The following KALRN variants were observed in gnomAD, a reference collection of about 807,000 sequenced individuals.
KALRN encodes kalirin.
Under a neutral mutation model 353.7 loss-of-function variants are expected in KALRN, and 70 were observed. The observed-to-expected ratio is 0.20, with a 90% CI of 0.16 to 0.24. The LOEUF (loss-of-function observed/expected upper bound fraction) is 0.24, where lower values mean the gene tolerates loss of function less well. Ranked by LOEUF, KALRN falls within the 10% of genes least tolerant of loss-of-function variation. The probability of loss-of-function intolerance (pLI) is 1.00; values close to 1 mark genes in which losing one functional copy is unlikely to be tolerated. For missense variants in KALRN, 2,791 were observed against 3,756.7 expected (o/e 0.74, Z 6.72); for synonymous variants, 1,391 against 1,434.8 (o/e 0.97, Z 0.69).
chr3:124,300,361 A>G (rs1326651962), intron 6 of KALRN, among the ~76,000 whole-genome samples: 1 of 152,198 alleles, frequency 6.6e-6, no homozygotes, highest in Non-Finnish European at 1.5e-5. Flanking sequence ...AGGTTTGTTT[A>G]TTGTTCCTAC....
Position 124,565,175 on chromosome 3 carries a change from G to C in KALRN, c.5182+2086G>C, listed in dbSNP as rs543379727. Among the ~76,000 whole-genome samples, 6 of 152,304 alleles carry C rather than the reference G, an allele frequency of 3.9e-5. No homozygotes were observed. The South Asian group carries it at 1.0e-3, about 26-fold the overall frequency. On this transcript the variant is annotated intron_variant, in intron 34 of 59. Transcript: ENST00000682506. ...GTTTGTGCTGCATCCAGCCTTCCAG[G>C]GTTTTTTCCACCAGGAGAAAAATGT...
intron 6 of KALRN, among the ~76,000 whole-genome samples, chr3:124,313,998 A>T (rs1357528875): frequency 6.6e-6 from 1 of 152,132 alleles, no homozygotes. Context: ...CAATGGTTGA[A>T]CTAGAATACC....
In KALRN at chr3:124,245,729, T is replaced by A. The variant is rs962254545; in HGVS notation, c.263+10786T>A. On this transcript the variant is annotated intron_variant, in intron 3 of 59. Coordinates refer to ENST00000682506, the MANE Select transcript of KALRN (RefSeq NM_001388419.1). The stretch of plus-strand genomic sequence containing the variant: ...CCATTCTAAATGAGGTGAGATGATA[T>A]CTTATATGGTTTTGAGTTGCATTTC... Among the ~76,000 whole-genome samples, 58 of 152,092 alleles carry A rather than the reference T, an allele frequency of 3.8e-4. 2 individuals are homozygous for A. Among genetic ancestry groups the A allele is most frequent in the Admixed American group, 3.1e-3 (48 of 15,258 alleles).
chr3:124,658,387 C>T (rs1164483262), intron 41 of KALRN, 44 bp from the exon 42 acceptor site: 15 of 1,455,772 alleles, frequency 1.0e-5, no homozygotes, highest in Non-Finnish European at 1.4e-5. Context: ...GAACAAAAGA[C>T]ACAAGATGCC....
chr3:124,280,889 C>T (rs1227887818), intron 5 of KALRN, among the ~76,000 whole-genome samples: 3 of 152,060 alleles, frequency 2.0e-5, no homozygotes, highest in Non-Finnish European at 4.4e-5. Context: ...CTGTTCAACC[C>T]CATTCCTGTA....
chr3:124,266,974 T>C (rs1267914538), intron 4 of KALRN, among the ~76,000 whole-genome samples: 1 of 152,238 alleles, frequency 6.6e-6, no homozygotes, highest in South Asian at 2.1e-4. Context: ...CTGGCCTGCA[T>C]GTCCCATCTC....
In KALRN at chr3:124,439,141, TTCTCTTTCTC is replaced by T. The variant is rs759323184; in HGVS notation, c.3198+116_3198+125del. The T allele has an allele frequency of 5.2e-6, 6 of 1,161,538 alleles. No individual in the cohort carries two copies. The Admixed American group carries it at 7.3e-5, about 14-fold the overall frequency. The allele number at this position is 1,161,538 out of a possible 1,614,324, so 72.0% of individuals were successfully genotyped here. On this transcript the variant is annotated intron_variant, in intron 18 of 59. Coordinates refer to ENST00000682506, the MANE Select transcript of KALRN (RefSeq NM_001388419.1). ...TTTCTTTCTTTCTCTTTCTCTCTCTTTCTCTTTCTCTCTCTTTCTCTTTCTCCTCCTCCTC... is the reference window on the plus strand; with the variant it reads ...TTTCTTTCTTTCTCTTTCTCTCTCTTTCTCTTTCTCTTTCTCCTCCTCCTC...
intron 9 of KALRN, among the ~76,000 whole-genome samples, chr3:124,342,234 G>A (rs1204464960): frequency 5.9e-5 from 9 of 151,896 alleles, no homozygotes; most frequent in Non-Finnish European, 4.4e-5. Flanking sequence ...ATTGCGTAGT[G>A]GTAAAGTCAG....
intron 5 of KALRN, among the ~76,000 whole-genome samples, chr3:124,271,697 C>A (rs1233753080): frequency 6.6e-6 from 1 of 152,168 alleles, no homozygotes; most frequent in Admixed American, 6.5e-5. Context: ...CTTCTGCTAC[C>A]ACTGAACACC....
intron 34 of KALRN, among the ~76,000 whole-genome samples, chr3:124,579,462 A>AT (rs1236561661): frequency 2.6e-5 from 4 of 152,236 alleles, no homozygotes; most frequent in Admixed American, 2.0e-4. Context: ...TATATTGCTT[A>AT]TAGCTCAGGA....
chr3:124,456,769 C>A, intron 23 of KALRN, 41 bp downstream of exon 23: 1 of 1,384,668 alleles, frequency 7.2e-7, no homozygotes, highest in Non-Finnish European at 1.0e-6. Context: ...CTCCCCGTGA[C>A]TATGCTGGGC....
rs941220413 is a variant in KALRN, at chr3:124,719,154, A to G, written c.8645A>G (p.Asp2882Gly). 2 of 1,614,234 alleles carry G rather than the reference A, an allele frequency of 1.2e-6. No individual in the cohort carries two copies. Among genetic ancestry groups the G allele is most frequent in the Non-Finnish European group, 1.7e-6 (2 of 1,180,052 alleles). ...CTGAGTGGGGTCTCCCCCTTCTTGG[A>G]TGAGAGCAAAGAGGAGACATGTATC... ...VMLSGVSPFL[D>G]ESKEETCINV... Residue 2882 changes from aspartate (D) to glycine (G), a missense_variant, in exon 60 of 60, where the codon GAT (aspartate) becomes GGT (glycine). Coordinates refer to ENST00000682506, the MANE Select transcript of KALRN (RefSeq NM_001388419.1). This position sits in a 1 kb window ranked among gnomAD's most constrained non-coding sequence, Gnocchi z 5.3.
intron 10 of KALRN, among the ~76,000 whole-genome samples, chr3:124,355,754 C>T (rs1242768907): frequency 1.6e-5 from 2 of 127,958 alleles, no homozygotes; most frequent in Non-Finnish European, 3.1e-5. Flanking sequence ...CTCGCTCTGT[C>T]ACCCAGGCTG....
chr3:124,208,877 G>T (rs970975542), intron 1 of KALRN, among the ~76,000 whole-genome samples: 2 of 151,858 alleles, frequency 1.3e-5, no homozygotes, highest in African/African-American at 4.8e-5. Context: ...GATGTGGGAG[G>T]ATTGCTTGAG....
At chr3:124,603,206 A>G (rs1028214221) in intron 34 of KALRN, among the ~76,000 whole-genome samples, 1 of 152,184 alleles carries the variant, frequency 6.6e-6, no homozygotes. Context: ...TACCTTTGCC[A>G]GCATCTGACT....
intron 1 of KALRN, among the ~76,000 whole-genome samples, chr3:124,056,090 T>G (rs2041512352): frequency 6.6e-6 from 1 of 152,236 alleles, no homozygotes; most frequent in Admixed American, 6.5e-5. Flanking sequence ...AATTTATCTC[T>G]TCAAGCATCA....
chr3:124,653,189 G>A (rs1171047409), intron 38 of KALRN, among the ~76,000 whole-genome samples: 2 of 152,208 alleles, frequency 1.3e-5, no homozygotes, highest in African/African-American at 2.4e-5. Context: ...AGAGGCTGAG[G>A]GGTGTAGCGA....
intron 47 of KALRN, among the ~76,000 whole-genome samples, chr3:124,669,963 CTT>C (rs61190740): frequency 0.05 from 6,769 of 136,456 alleles, 186 homozygotes; most frequent in African/African-American, 0.099. Context: ...CATATATTTT[CTT>C]TTTTTTTTTT....
At chr3:124,346,254 C>T (rs2082250124) in intron 9 of KALRN, among the ~76,000 whole-genome samples, 2 of 152,170 alleles carry the variant, frequency 1.3e-5, no homozygotes, top group Non-Finnish European at 2.9e-5. Context: ...GGCTTTCATC[C>T]TCCCTGCACG....
Sources: gnomAD v4.1 joint callset for allele counts (sites outside exome capture counted in the v4.1 genomes callset) on GRCh38, gnomAD v4.1.1 for gene constraint, Gnocchi (gnomAD v3.1) non-coding constraint, MANE v1.5 for transcripts, NCBI Gene and HGNC (gene_info 2026-07-23, HGNC 2026-07-21) for gene names.